LGR6: variants seen among roughly 807,000 people sequenced by gnomAD.
The protein encoded by LGR6 is leucine-rich repeat-containing G protein-coupled receptor 6.
Under a neutral mutation model 69.4 loss-of-function variants are expected in LGR6, and 45 were observed. The ratio of observed to expected loss-of-function variants is 0.65; its 90% CI spans 0.51 to 0.83. LGR6 has a LOEUF of 0.83. Among genes scored for constraint, LGR6 ranks in the 40% least tolerant of loss-of-function variants. The pLI is 0.00. For synonymous variants in LGR6, 538 were observed against 555.0 expected, an observed-to-expected ratio of 0.97 and a Z score of 0.43; for missense variants, 1,108 against 1,246.7, an observed-to-expected ratio of 0.89 and a Z score of 1.68.
chr1:202,208,811 A>G (rs2147910607), intron 1 of LGR6, among the ~76,000 whole-genome samples: 1 of 152,238 alleles, frequency 6.6e-6, no homozygotes, highest in East Asian at 1.9e-4. Context: ...GGCCCAGGGC[A>G]CCTGCTGGGG....
chr1:202,195,047 G>T (rs1658586524), intron 1 of LGR6, among the ~76,000 whole-genome samples: 1 of 152,150 alleles, frequency 6.6e-6, no homozygotes, highest in Non-Finnish European at 1.5e-5. Context: ...GCAGGAGGAG[G>T]GTGAGAGAGC....
intron 6 of LGR6, among the ~76,000 whole-genome samples, chr1:202,283,996 A>G (rs1170939629): frequency 2.0e-5 from 3 of 152,156 alleles, no homozygotes; most frequent in Non-Finnish European, 2.9e-5. Context: ...ATGGGGAGAA[A>G]GTGTGAGAGA....
At chr1:202,209,030 G>A (rs376072220) in intron 1 of LGR6, among the ~76,000 whole-genome samples, 2 of 152,236 alleles carry the variant, frequency 1.3e-5, no homozygotes, top group East Asian at 3.9e-4. Flanking sequence ...CAGATGGGCA[G>A]ATCAAGTCAT....
intron 1 of LGR6, among the ~76,000 whole-genome samples, chr1:202,199,564 GC>G (rs1021145386): frequency 2.4e-4 from 22 of 93,130 alleles, no homozygotes; most frequent in African/African-American, 8.8e-4. Flanking sequence ...TTGGCCCCCA[GC>G]CCACCCCCAC....
rs562477208 is a variant in LGR6 at position 202,300,614 on chromosome 1, C to T, written c.786-235C>T. Among the ~76,000 whole-genome samples, 20 of 149,672 alleles carry T rather than the reference C, an allele frequency of 1.3e-4. No homozygotes were observed. In the South Asian group the frequency reaches 4.2e-3, roughly 32 times the overall value. On this transcript the variant is annotated intron_variant, in intron 7 of 17. Transcript: ENST00000367278. ...AGGCTGCACTGCGGTGAGCCAAGATCGCATCATTGCACTCCAGCCTGGGTA... is the reference window on the plus strand; with the variant it reads ...AGGCTGCACTGCGGTGAGCCAAGATTGCATCATTGCACTCCAGCCTGGGTA...
intron 16 of LGR6, 77 bp from the exon 17 acceptor site, chr1:202,314,725 A>T (rs1654009338): frequency 1.0e-6 from 1 of 973,496 alleles, no homozygotes; most frequent in African/African-American, 1.6e-5. Context: ...ATCTTAAAGG[A>T]GGGGGCATTT....
intron 4 of LGR6, 178 bp downstream of exon 4, chr1:202,236,171 G>A (rs530012714): frequency 8.1e-6 from 5 of 619,084 alleles, no homozygotes; most frequent in Non-Finnish European, 1.4e-5. Context: ...TGTCATCAGT[G>A]TGTGGCTGTG....
chr1:202,276,511 C>T lies in LGR6; in HGVS notation c.634C>T (p.Leu212Phe), dbSNP rs1665571907. 2.5e-6 allele frequency: 4 copies of T among 1,613,218 alleles called. No homozygotes were observed. Among genetic ancestry groups the T allele is most frequent in the Non-Finnish European group, 2.5e-6 (3 of 1,179,516 alleles). Residue 212 changes from leucine (L) to phenylalanine (F), a missense_variant, in exon 5 of 18, where the codon CTT (leucine) becomes TTT (phenylalanine). Coordinates refer to ENST00000367278, the MANE Select transcript of LGR6 (RefSeq NM_001017403.2). ...CTACGCGTTCCAGAATCTCACCAGCCTTGTGGTGCTGTGAGTGCTGCTCTG... is the reference window on the plus strand; with the variant it reads ...CTACGCGTTCCAGAATCTCACCAGCTTTGTGGTGCTGTGAGTGCTGCTCTG... ...PDYAFQNLTS[L>F]VVLHLHNNRI...
At chr1:202,249,433 C>T (rs1432091942) in intron 4 of LGR6, among the ~76,000 whole-genome samples, 1 of 152,144 alleles carries the variant, frequency 6.6e-6, no homozygotes, top group Non-Finnish European at 1.5e-5. Flanking sequence ...TCAGTTTCTC[C>T]CTGGGAGGTT....
At position 202,236,994 on chromosome 1, in the gene LGR6, A is replaced by G. The variant is rs927085782; in HGVS notation, c.428+1001A>G. On this transcript the variant is annotated intron_variant, in intron 4 of 17. Transcript: ENST00000367278. ...ATTTAGGCCCCATTCCACCTTACAC[A>G]GAGGGCCAGCTGTGGGGGTCCTGGC... Among the ~76,000 whole-genome samples the G allele has an allele frequency of 3.9e-5, 6 of 152,126 alleles. No homozygotes were observed. The South Asian group carries it at 1.2e-3, about 32-fold the overall frequency.
chr1:202,319,218 C>G lies in LGR6; in HGVS notation c.*11C>G. The G allele has an allele frequency of 6.4e-7, 1 of 1,562,776 alleles. No homozygotes were observed. Among genetic ancestry groups the G allele is most frequent in the Admixed American group, 1.9e-5 (1 of 52,902 alleles). ...GCTTCACACGTGTAAATATCCCTCC[C>G]CATTCTTCTCTTCCCCTCTCTTCCC... On this transcript the variant is annotated 3_prime_UTR_variant, in exon 18 of 18. Coordinates refer to ENST00000367278, the MANE Select transcript of LGR6 (RefSeq NM_001017403.2).
chr1:202,225,342 C>T (rs766910145), intron 1 of LGR6, 81 bp from the exon 2 acceptor site: 14 of 1,328,432 alleles, frequency 1.1e-5, no homozygotes, highest in Admixed American at 1.7e-5. Flanking sequence ...GGAGGTCCCT[C>T]GAGGGGGGTT....
chr1:202,210,437 A>AAC (rs1334550427), intron 1 of LGR6, among the ~76,000 whole-genome samples: 1 of 151,678 alleles, frequency 6.6e-6, no homozygotes, highest in African/African-American at 2.4e-5. Context: ...AGAAAAAAAA[A>AAC]AAAAAACAAA....
At chr1:202,231,297 C>T (rs1330686699) in intron 3 of LGR6, among the ~76,000 whole-genome samples, 1 of 152,124 alleles carries the variant, frequency 6.6e-6, no homozygotes, top group East Asian at 1.9e-4. Flanking sequence ...CCATTAGTGT[C>T]GATGAACTGA....
At position 202,308,054 on chromosome 1, in the gene LGR6, C is replaced by T. The variant is rs543463843; in HGVS notation, c.1280+653C>T. On this transcript the variant is annotated intron_variant, in intron 14 of 17. Transcript: ENST00000367278. ...TAAAAGCACATCTACCTAGACTGGG[C>T]CCTTTTCTGGTTAACACAAAGACTT... 1.4e-4 allele frequency among the ~76,000 whole-genome samples: 22 copies of T among 152,310 alleles called. No homozygotes were observed. In the South Asian group the frequency reaches 4.3e-3, roughly 30 times the overall value.
chr1:202,282,685 A>G (rs788816), intron 6 of LGR6, among the ~76,000 whole-genome samples: 73,430 of 152,014 alleles, frequency 0.48, 18,391 homozygotes, highest in East Asian at 0.71. Flanking sequence ...ACATACACTG[A>G]CTATGTGTTG....
intron 6 of LGR6, among the ~76,000 whole-genome samples, chr1:202,295,087 G>A (rs893327261): frequency 1.3e-5 from 2 of 152,018 alleles, no homozygotes; most frequent in African/African-American, 4.8e-5. Context: ...CAGCACTTTG[G>A]GTGGCCGAGG....
intron 7 of LGR6, among the ~76,000 whole-genome samples, 176 bp from the exon 8 acceptor site, chr1:202,300,673 A>G (rs971084345): frequency 1.3e-5 from 2 of 151,436 alleles, no homozygotes; most frequent in Non-Finnish European, 2.9e-5. Context: ...AAAAAAAAAA[A>G]GAAAGAAAGA....
chr1:202,266,370 G>A, intron 4 of LGR6, among the ~76,000 whole-genome samples: 1 of 152,142 alleles, frequency 6.6e-6, no homozygotes, highest in East Asian at 1.9e-4. Flanking sequence ...CCTTGAGCAG[G>A]TGAAGACACT....
Sources: gnomAD v4.1 joint callset for allele counts (sites outside exome capture counted in the v4.1 genomes callset) on GRCh38, gnomAD v4.1.1 for gene constraint, MANE v1.5 for transcripts, NCBI Gene and HGNC (gene_info 2026-07-23, HGNC 2026-07-21) for gene names.